SVEP1: variants seen among roughly 807,000 people sequenced by gnomAD.
SVEP1 encodes sushi, von Willebrand factor type A, EGF and pentraxin domain containing 1.
In SVEP1, 164 loss-of-function variants were observed where a neutral mutation model predicts 367.3. That is an observed-to-expected ratio of 0.45 (90% CI 0.39 to 0.51). The LOEUF (loss-of-function observed/expected upper bound fraction) is 0.51, where lower values mean the gene tolerates loss of function less well. Ranked by LOEUF, SVEP1 falls within the 20% of genes least tolerant of loss-of-function variation. The probability of loss-of-function intolerance (pLI) is 0.00; values close to 1 mark genes in which losing one functional copy is unlikely to be tolerated. For missense variants in SVEP1, 4,117 were observed against 4,425.3 expected, an observed-to-expected ratio of 0.93 and a Z score of 1.98; for synonymous variants, 1,666 against 1,611.6, an observed-to-expected ratio of 1.03 and a Z score of -0.81.
At chr9:110,406,100 T>C in intron 38 of SVEP1, 60 bp downstream of exon 38, 1 of 1,497,336 alleles carries the variant, frequency 6.7e-7, no homozygotes, top group Non-Finnish European at 8.9e-7. Context: ...TTTTGATCGA[T>C]CACATTTCAT....
At position 110,450,180 on chromosome 9, in the gene SVEP1, C is replaced by G; in HGVS notation, c.3982G>C (p.Gly1328Arg). ...NNAVCEDQVG[G>R]FLCKCPPGFL... ...CCAGGTGGGCATTTGCACAAGAATC[C>G]CCCAACCTGGTCTTCACAGACTGCA... The change falls in exon 24 of 48, where the codon GGA becomes CGA. Residue 1328 changes from glycine to arginine, a missense_variant. By Grantham distance (125) the Gly-to-Arg change is moderately radical (BLOSUM62 -2). Transcript: ENST00000374469. 1 of 1,613,858 alleles carries G rather than the reference C, an allele frequency of 6.2e-7. No individual in the cohort carries two copies. The highest frequency in any genetic ancestry group is 8.5e-7 in the Non-Finnish European group (1 of 1,179,822).
At position 110,578,883 on chromosome 9, in the gene SVEP1, G is replaced by T. The variant is rs1830656841; in HGVS notation, c.531+130C>A. On this transcript the variant is annotated intron_variant, in intron 1 of 47. Transcript: ENST00000374469. Reference sequence around the variant, plus strand: ...CGGGTAGCGATGACTCTGGTTTTGTGGATGGGGACGCTTGACTTGGGGTGG... The same window carrying T: ...CGGGTAGCGATGACTCTGGTTTTGTTGATGGGGACGCTTGACTTGGGGTGG... 1.1e-5 allele frequency: 11 copies of T among 1,028,630 alleles called. No individual in the cohort carries two copies. In the Admixed American group the frequency reaches 1.7e-4, roughly 16 times the overall value. 63.7% of individuals were successfully genotyped at this position (1,028,630 alleles called of 1,614,324 possible). A position where few individuals can be genotyped will look rare whatever the true frequency, so the allele number is the denominator to read the frequency against.
At chr9:110,389,615 A>G (rs201653802) in intron 40 of SVEP1, 28 bp from the exon 41 acceptor site, 14 of 1,611,526 alleles carry the variant, frequency 8.7e-6, no homozygotes, top group African/African-American at 1.3e-5. Flanking sequence ...AAGGTCATCA[A>G]GATCATAACT....
At chr9:110,413,045 A>C (rs1300579186) in intron 36 of SVEP1, among the ~76,000 whole-genome samples, 2 of 151,454 alleles carry the variant, frequency 1.3e-5, no homozygotes, top group Admixed American at 6.6e-5. Flanking sequence ...TACTGGGTAT[A>C]TACCCAAAGG....
intron 4 of SVEP1, among the ~76,000 whole-genome samples, chr9:110,513,709 T>C (rs1483232428): frequency 6.6e-6 from 1 of 152,170 alleles, no homozygotes; most frequent in Non-Finnish European, 1.5e-5. Flanking sequence ...TACTAAGCCT[T>C]TCTGATTTCA....
In SVEP1 at chr9:110,445,922, A is replaced by G. The variant is rs373158436; in HGVS notation, c.4378T>C (p.Ser1460Pro). The G allele has an allele frequency of 3.1e-6, 5 of 1,613,862 alleles. No homozygotes were observed. In the African/African-American group the frequency reaches 4.0e-5, roughly 13 times the overall value. Residue 1460 changes from serine (S) to proline (P), a missense_variant, in exon 26 of 48, where the codon TCT becomes CCT. Coordinates refer to ENST00000374469, the MANE Select transcript of SVEP1 (RefSeq NM_153366.4). ...ALTCTFWMKS[S>P]DDMNYGTPIS... is the part of the protein sequence containing the mutation. ...GGTGTTCCATAGTTCATGTCGTCAG[A>G]GGATTTCATCCAGAAGGTACAGGTT...
chr9:110,430,090 TTTTG>T (rs780655313), intron 33 of SVEP1, 86 bp from the exon 34 acceptor site: 208 of 1,437,256 alleles, frequency 1.4e-4, no homozygotes, highest in Admixed American at 4.1e-4. Context: ...CAAGATCTTT[TTTTG>T]TTTGTTTGTT....
chr9:110,567,645 T>G (rs1335815479), intron 1 of SVEP1, among the ~76,000 whole-genome samples: 1 of 152,240 alleles, frequency 6.6e-6, no homozygotes, highest in African/African-American at 2.4e-5. Flanking sequence ...TGGAGTTGTC[T>G]GCTTAGCAGG....
intron 1 of SVEP1, among the ~76,000 whole-genome samples, chr9:110,572,739 G>A (rs7468670): frequency 0.19 from 24,419 of 131,522 alleles, 2,712 homozygotes; most frequent in East Asian, 0.45. Flanking sequence ...CCGAGATGGC[G>A]TCACTGCACT....
intron 36 of SVEP1, among the ~76,000 whole-genome samples, chr9:110,423,407 T>C (rs1828206377): frequency 6.6e-6 from 1 of 151,856 alleles, no homozygotes. Context: ...GACATGTAAA[T>C]AAATATACAT....
In SVEP1 at chr9:110,435,148, G is replaced by A; in HGVS notation, c.4888+93C>T. 2.1e-6 allele frequency: 3 copies of A among 1,422,878 alleles called. No homozygotes were observed. In the South Asian group the frequency reaches 4.4e-5, roughly 21 times the overall value. The allele number at this position is 1,422,878 out of a possible 1,614,324, so 88.1% of individuals were successfully genotyped here. ...AGTAGATTGACAGTCACATACGATTGGACCGATAGAGAATTCTGAACTGTC... is the reference window on the plus strand; with the variant it reads ...AGTAGATTGACAGTCACATACGATTAGACCGATAGAGAATTCTGAACTGTC... On this transcript the variant is annotated intron_variant, in intron 29 of 47. Transcript: ENST00000374469.
rs1266396780 is a variant in SVEP1, at chr9:110,549,971, C to G, written c.665G>C (p.Gly222Ala). The change falls in exon 2 of 48, where the codon GGC becomes GCC. Residue 222 changes from glycine (G) to alanine (A), a missense_variant. This residue lies in a region of SVEP1 where 2,174 missense variants were observed against 2,494.3 expected (regional missense o/e 0.87). Transcript: ENST00000374469. Reference sequence around the variant, plus strand: ...CTCTCGAATGTTCCCTTGCCATATGCCAAAAGTGAAGATCTCCACTCCTGA... The same window carrying G: ...CTCTCGAATGTTCCCTTGCCATATGGCAAAAGTGAAGATCTCCACTCCTGA... Reference protein sequence around the residue: ...RDSGVEIFTFGIWQGNIRELN... With the variant: ...RDSGVEIFTFAIWQGNIRELN... 5 of 1,613,876 alleles carry G rather than the reference C, an allele frequency of 3.1e-6. No homozygotes were observed. The Admixed American group carries it at 8.3e-5, about 27-fold the overall frequency.
intron 5 of SVEP1, among the ~76,000 whole-genome samples, chr9:110,506,071 T>C (rs1289635276): frequency 1.3e-5 from 2 of 152,196 alleles, no homozygotes; most frequent in Non-Finnish European, 2.9e-5. Flanking sequence ...ATGCAGTGTT[T>C]GGTTTTCTGT....
chr9:110,444,546 T>C (rs1828561242), intron 26 of SVEP1, among the ~76,000 whole-genome samples: 1 of 152,196 alleles, frequency 6.6e-6, no homozygotes, highest in South Asian at 2.1e-4. Flanking sequence ...AAAAGAATAA[T>C]TGAAACAACA....
chr9:110,573,412 ACAT>A (rs1465672927), intron 1 of SVEP1, among the ~76,000 whole-genome samples: 1 of 152,188 alleles, frequency 6.6e-6, no homozygotes, highest in Non-Finnish European at 1.5e-5. Context: ...TAGTGTGGAC[ACAT>A]CATGGAAGAT....
At chr9:110,550,192 G>A (rs1830266705) in intron 1 of SVEP1, 88 bp from the exon 2 acceptor site, 1 of 1,530,368 alleles carries the variant, frequency 6.5e-7, no homozygotes, top group Non-Finnish European at 8.9e-7. Flanking sequence ...TACTTGCAAA[G>A]ATCATTAGTA....
chr9:110,366,457 C>T lies in SVEP1; in HGVS notation c.*82G>A, dbSNP rs1485830268. 1 of 1,399,070 alleles carries T rather than the reference C, an allele frequency of 7.1e-7. No homozygotes were observed. Among genetic ancestry groups the T allele is most frequent in the Admixed American group, 2.8e-5 (1 of 35,172 alleles). 86.7% of individuals were successfully genotyped at this position (1,399,070 alleles called of 1,614,324 possible). A position where few individuals can be genotyped will look rare whatever the true frequency, so the allele number is the denominator to read the frequency against. On this transcript the variant is annotated 3_prime_UTR_variant, in exon 48 of 48. Coordinates refer to ENST00000374469, the MANE Select transcript of SVEP1 (RefSeq NM_153366.4). ...AAGACCCAGCACCATGTTGGACTTTCTTTGCATAAGTTCCAGGATGCCCAG... is the reference window on the plus strand; with the variant it reads ...AAGACCCAGCACCATGTTGGACTTTTTTTGCATAAGTTCCAGGATGCCCAG...
chr9:110,436,335 T>C (rs746364987), intron 28 of SVEP1, 45 bp downstream of exon 28: 1 of 1,610,382 alleles, frequency 6.2e-7, no homozygotes, highest in Admixed American at 1.7e-5. Context: ...ACTAGGTTTG[T>C]ACCTTTGCAT....
intron 20 of SVEP1, among the ~76,000 whole-genome samples, 193 bp downstream of exon 20, chr9:110,458,278 A>T (rs1211180674): frequency 6.6e-6 from 1 of 152,230 alleles, no homozygotes; most frequent in Non-Finnish European, 1.5e-5. Context: ...TTTGGTACTT[A>T]GAACATCTAA....
Sources: allele counts gnomAD v4.1 joint callset (sites outside exome capture counted in the v4.1 genomes callset), GRCh38; gene constraint gnomAD v4.1.1; regional missense constraint gnomAD v4.1.1; transcripts MANE v1.5; gene names NCBI Gene and HGNC (gene_info 2026-07-23, HGNC 2026-07-21).